HNF4G: variants seen among roughly 807,000 people sequenced by gnomAD.
HNF4G encodes hepatocyte nuclear factor 4-gamma.
Under a neutral mutation model 50.9 loss-of-function variants are expected in HNF4G, and 21 were observed. The ratio of observed to expected loss-of-function variants is 0.41; its 90% CI spans 0.29 to 0.59. The LOEUF is 0.59. HNF4G is among the 20% of genes least tolerant of loss of function. HNF4G has a pLI of 0.26. For synonymous variants in HNF4G, 198 were observed against 185.6 expected (o/e 1.07, Z -0.54); for missense variants, 527 against 559.4 (o/e 0.94, Z 0.58).
At chr8:75,478,675 G>A (rs1239544709) in intron 1 of HNF4G, among the ~76,000 whole-genome samples, 1 of 152,128 alleles carries the variant, frequency 6.6e-6, no homozygotes, top group African/African-American at 2.4e-5. Flanking sequence ...TTGAGACTTA[G>A]TTTGCTCATG....
intron 8 of HNF4G, 65 bp downstream of exon 8, chr8:75,559,102 TG>T: frequency 9.3e-7 from 1 of 1,069,796 alleles, no homozygotes; most frequent in Admixed American, 1.7e-5. Flanking sequence ...TTTGACCTAC[TG>T]ATTTTTTTGT....
intron 1 of HNF4G, among the ~76,000 whole-genome samples, chr8:75,452,443 G>A (rs1220096224): frequency 6.6e-6 from 1 of 152,086 alleles, no homozygotes; most frequent in Non-Finnish European, 1.5e-5. Context: ...AATGTGGCTG[G>A]GCACGTTGGC....
chr8:75,452,883 A>G (rs887228485), intron 1 of HNF4G, among the ~76,000 whole-genome samples: 1 of 152,210 alleles, frequency 6.6e-6, no homozygotes, highest in African/African-American at 2.4e-5. Flanking sequence ...TTCCACTTGA[A>G]TGAGAGATTA....
chr8:75,456,224 T>C (rs1211245342), intron 1 of HNF4G, among the ~76,000 whole-genome samples: 1 of 152,068 alleles, frequency 6.6e-6, no homozygotes, highest in Non-Finnish European at 1.5e-5. Context: ...TTCGACATAA[T>C]ATTTATATTA....
At position 75,501,608 on chromosome 8, in the gene HNF4G, C is replaced by T. The variant is rs1241045995; in HGVS notation, c.-24+11400C>T. ...AGTAATAGTGTGTAGACATTTGGTTCGCATTCCATCAGAGAAAAAAATTAC... is the reference window on the plus strand; with the variant it reads ...AGTAATAGTGTGTAGACATTTGGTTTGCATTCCATCAGAGAAAAAAATTAC... On this transcript the variant is annotated intron_variant, in intron 2 of 10. Transcript: ENST00000354370. 1.2e-4 allele frequency among the ~76,000 whole-genome samples: 18 copies of T among 151,916 alleles called. 1 individual carries two copies. The highest frequency in any genetic ancestry group is 6.6e-4 in the Admixed American group (10 of 15,236).
At chr8:75,457,430 T>A (rs1246106086) in intron 1 of HNF4G, among the ~76,000 whole-genome samples, 7 of 152,210 alleles carry the variant, frequency 4.6e-5, no homozygotes, top group Non-Finnish European at 1.0e-4. Flanking sequence ...CCTATTCCTC[T>A]ATACACCTCT....
At chr8:75,412,590 TATG>T (rs1431592618) in intron 1 of HNF4G, among the ~76,000 whole-genome samples, 1 of 152,220 alleles carries the variant, frequency 6.6e-6, no homozygotes, top group Non-Finnish European at 1.5e-5. Flanking sequence ...CATTTAAAAG[TATG>T]ATAACACCTG....
intron 1 of HNF4G, among the ~76,000 whole-genome samples, chr8:75,486,445 G>C (rs939930623): frequency 6.6e-6 from 1 of 152,046 alleles, no homozygotes; most frequent in Non-Finnish European, 1.5e-5. Context: ...TATACATGTT[G>C]AATCTGTGTT....
chr8:75,420,786 G>A lies in HNF4G; in HGVS notation c.-144+12624G>A, dbSNP rs865928009. ...GGTTGAGTGGATATTGTCACAGAAG[G>A]CCAGGCAGCAAGAGGAGAAAGGAAA... On this transcript the variant is annotated intron_variant, in intron 1 of 10. Coordinates refer to the HNF4G transcript ENST00000354370. 8.5e-5 allele frequency among the ~76,000 whole-genome samples: 13 copies of A among 152,310 alleles called. No homozygotes were observed. In the South Asian group the frequency reaches 2.5e-3, roughly 29 times the overall value.
At chr8:75,495,905 G>A (rs1482205796) in intron 2 of HNF4G, among the ~76,000 whole-genome samples, 1 of 151,856 alleles carries the variant, frequency 6.6e-6, no homozygotes, top group Non-Finnish European at 1.5e-5. Context: ...TAAAGAAATG[G>A]AACAATATCA....
chr8:75,543,152 A>G (rs181100673), intron 1 of HNF4G, among the ~76,000 whole-genome samples: 1 of 152,320 alleles, frequency 6.6e-6, no homozygotes, highest in African/African-American at 2.4e-5. Context: ...GGTTGCAGTG[A>G]GCCGAGATCG....
chr8:75,522,191 T>C (rs1515011), intron 2 of HNF4G, among the ~76,000 whole-genome samples: 65,561 of 151,684 alleles, frequency 0.43, 14,629 homozygotes, highest in Middle Eastern at 0.58. Context: ...GTTATGCTAG[T>C]ATATTAGTTC....
intron 2 of HNF4G, among the ~76,000 whole-genome samples, chr8:75,514,647 G>A (rs1372579048): frequency 2.6e-5 from 4 of 151,610 alleles, no homozygotes; most frequent in African/African-American, 4.8e-5. Context: ...CACTGCACCC[G>A]GCCCATCTTT....
chr8:75,429,339 T>A (rs865992307), intron 1 of HNF4G, among the ~76,000 whole-genome samples: 2 of 152,182 alleles, frequency 1.3e-5, no homozygotes, highest in Non-Finnish European at 2.9e-5. Flanking sequence ...TTCAATATAG[T>A]GTAACTCCAT....
intron 1 of HNF4G, among the ~76,000 whole-genome samples, chr8:75,445,835 G>A (rs1245666464): frequency 7.6e-6 from 1 of 131,608 alleles, no homozygotes; most frequent in African/African-American, 3.1e-5. Context: ...ATTCACAGCC[G>A]AATTCTACCA....
chr8:75,487,491 C>G (rs548192161), intron 1 of HNF4G, among the ~76,000 whole-genome samples: 1 of 152,276 alleles, frequency 6.6e-6, no homozygotes, highest in African/African-American at 2.4e-5. Flanking sequence ...TAGTCCCACT[C>G]TTACTATCCA....
intron 1 of HNF4G, among the ~76,000 whole-genome samples, chr8:75,540,769 G>A (rs1046722962): frequency 5.3e-5 from 8 of 151,164 alleles, no homozygotes; most frequent in Admixed American, 4.6e-4. Flanking sequence ...TTAATACCCG[G>A]TAAAAAAAAT....
At chr8:75,546,940 T>C (rs1014619003) in intron 2 of HNF4G, among the ~76,000 whole-genome samples, 3 of 152,156 alleles carry the variant, frequency 2.0e-5, no homozygotes, top group Non-Finnish European at 4.4e-5. Context: ...TTTAAGACAG[T>C]GCTAAACTGT....
chr8:75,515,853 C>T (rs151054887), intron 2 of HNF4G, among the ~76,000 whole-genome samples: 104 of 151,108 alleles, frequency 6.9e-4, no homozygotes, highest in Middle Eastern at 6.8e-3. Flanking sequence ...ACAACCTCCC[C>T]CTCCTGGGTT....
Sources: gnomAD v4.1 joint callset for allele counts (sites outside exome capture counted in the v4.1 genomes callset) on GRCh38, gnomAD v4.1.1 for gene constraint, MANE v1.5 for transcripts, NCBI Gene and HGNC (gene_info 2026-07-23, HGNC 2026-07-21) for gene names.